THSD7B: variants seen among roughly 807,000 people sequenced by gnomAD.
THSD7B encodes the protein thrombospondin type 1 domain containing 7B, also known as thrombospondin type-1 domain-containing protein 7B.
THSD7B carries 138 observed loss-of-function variants against 213.6 expected under a neutral mutation model. The ratio of observed to expected loss-of-function variants is 0.65; its 90% CI spans 0.56 to 0.74. THSD7B has a LOEUF of 0.74. THSD7B is among the 30% of genes least tolerant of loss of function. THSD7B has a pLI of 0.00. For missense variants in THSD7B, 1,931 were observed against 1,991.5 expected (o/e 0.97, Z 0.58); for synonymous variants, 742 against 687.0 (o/e 1.08, Z -1.25).
intron 3 of THSD7B, among the ~76,000 whole-genome samples, chr2:137,085,037 A>T (rs971918127): frequency 7.2e-5 from 11 of 152,222 alleles, no homozygotes; most frequent in African/African-American, 2.7e-4. Context: ...AGTTTGTGAG[A>T]GAACCCTGAC....
At chr2:137,431,801 A>G (rs1170050117) in intron 14 of THSD7B, among the ~76,000 whole-genome samples, 1 of 152,170 alleles carries the variant, frequency 6.6e-6, no homozygotes, top group East Asian at 1.9e-4. Context: ...AAGTCAGGAG[A>G]AAGAAATTTC....
At chr2:137,449,808 A>T (rs556514455) in intron 14 of THSD7B, among the ~76,000 whole-genome samples, 1 of 152,176 alleles carries the variant, frequency 6.6e-6, no homozygotes, top group Non-Finnish European at 1.5e-5. Context: ...AGGCCCACCC[A>T]GTATATCTCA....
chr2:136,768,009 T>C (rs1000492186), intron 1 of THSD7B, among the ~76,000 whole-genome samples: 1 of 152,214 alleles, frequency 6.6e-6, no homozygotes, highest in East Asian at 1.9e-4. Context: ...TTACCGATCA[T>C]ATAAACAATG....
chr2:137,114,657 G>A (rs1182905159), intron 4 of THSD7B, among the ~76,000 whole-genome samples: 1 of 152,178 alleles, frequency 6.6e-6, no homozygotes, highest in Non-Finnish European at 1.5e-5. Flanking sequence ...TGAAAAGTTG[G>A]AGATAGCTGT....
At chr2:136,931,207 G>A (rs768584369) in intron 2 of THSD7B, among the ~76,000 whole-genome samples, 1 of 152,084 alleles carries the variant, frequency 6.6e-6, no homozygotes, top group Non-Finnish European at 1.5e-5. Context: ...GTAGGTCGAA[G>A]GGAAATATGT....
intron 21 of THSD7B, among the ~76,000 whole-genome samples, chr2:137,643,440 C>T (rs771977402): frequency 6.6e-6 from 1 of 152,084 alleles, no homozygotes; most frequent in Non-Finnish European, 1.5e-5. Context: ...TATTATCTTG[C>T]AAAAGTTAAA....
chr2:137,330,069 C>T (rs993918311), intron 12 of THSD7B, among the ~76,000 whole-genome samples: 7 of 152,162 alleles, frequency 4.6e-5, no homozygotes, highest in Non-Finnish European at 8.8e-5. Flanking sequence ...TGGCAGCTTC[C>T]ATGTAGTGTT....
At chr2:137,090,782 A>G (rs546689320) in intron 3 of THSD7B, among the ~76,000 whole-genome samples, 1 of 152,300 alleles carries the variant, frequency 6.6e-6, no homozygotes, top group South Asian at 2.1e-4. Flanking sequence ...TTAGTTTGTA[A>G]GGTCATTCCA....
intron 6 of THSD7B, among the ~76,000 whole-genome samples, chr2:137,169,457 T>C (rs1680200405): frequency 6.6e-6 from 1 of 151,944 alleles, no homozygotes; most frequent in Admixed American, 6.6e-5. Context: ...GAGAGAGATG[T>C]TACCTCTCAT....
At chr2:137,118,449 A>G (rs901956974) in intron 5 of THSD7B, among the ~76,000 whole-genome samples, 4 of 152,234 alleles carry the variant, frequency 2.6e-5, no homozygotes, top group African/African-American at 4.8e-5. Context: ...AGAAGTAGAT[A>G]TGTCATATAT....
intron 1 of THSD7B, among the ~76,000 whole-genome samples, chr2:136,815,849 G>A (rs768557684): frequency 3.6e-4 from 55 of 152,062 alleles, no homozygotes; most frequent in African/African-American, 1.2e-3. Context: ...TCTTCCACTT[G>A]GGAGAGAGCA....
At chr2:137,360,764 C>T (rs894697473) in intron 12 of THSD7B, among the ~76,000 whole-genome samples, 1 of 152,190 alleles carries the variant, frequency 6.6e-6, no homozygotes, top group African/African-American at 2.4e-5. Context: ...TCTGTACACC[C>T]CACCTCTGGG....
intron 4 of THSD7B, among the ~76,000 whole-genome samples, chr2:137,106,140 A>G (rs932400756): frequency 1.4e-4 from 22 of 152,220 alleles, no homozygotes; most frequent in African/African-American, 5.1e-4. Flanking sequence ...ACCTGACTTC[A>G]AACTATACTA....
Position 136,923,563 on chromosome 2 carries a change from CA to C in THSD7B, c.139+41247del, listed in dbSNP as rs150200801. Among the ~76,000 whole-genome samples the C allele has an allele frequency of 1.7e-3, 261 of 152,294 alleles. 1 individual carries two copies. The highest frequency in any genetic ancestry group is 6.1e-3 in the African/African-American group (253 of 41,558). On this transcript the variant is annotated intron_variant, in intron 2 of 27. Transcript: ENST00000409968. ...TTTTCCTAATGCCTGCCCTATTTTA[CA>C]TCTCAACCAAAATCATACAAGGGTT... is the stretch of plus-strand genomic sequence containing the variant.
intron 15 of THSD7B, among the ~76,000 whole-genome samples, chr2:137,467,948 T>G (rs1688024567): frequency 1.3e-5 from 2 of 152,244 alleles, no homozygotes; most frequent in Non-Finnish European, 2.9e-5. Context: ...TGTAACTATG[T>G]AAGCCTCTTT....
chr2:137,211,333 C>CAT (rs1681098300), intron 7 of THSD7B, among the ~76,000 whole-genome samples: 1 of 43,644 alleles, frequency 2.3e-5, no homozygotes, highest in Non-Finnish European at 6.9e-5. Context: ...ATCCTTCCTA[C>CAT]ACACACACAC....
intron 1 of THSD7B, among the ~76,000 whole-genome samples, chr2:136,856,813 G>A (rs1221781287): frequency 6.6e-6 from 1 of 152,126 alleles, no homozygotes; most frequent in Admixed American, 6.5e-5. Context: ...ACCACACCCA[G>A]CCATGAGCTG....
intron 12 of THSD7B, among the ~76,000 whole-genome samples, chr2:137,340,603 A>G (rs1234176189): frequency 2.0e-5 from 3 of 151,816 alleles, no homozygotes; most frequent in Non-Finnish European, 4.4e-5. Flanking sequence ...CCCTGCCTCC[A>G]TAATTGCCAT....
At chr2:137,504,444 G>C (rs188881616) in intron 15 of THSD7B, among the ~76,000 whole-genome samples, 1 of 152,232 alleles carries the variant, frequency 6.6e-6, no homozygotes, top group Admixed American at 6.5e-5. Flanking sequence ...GGATTATTCT[G>C]CTCCCATCTA....
Sources: gnomAD v4.1 joint callset for allele counts (sites outside exome capture counted in the v4.1 genomes callset) on GRCh38, gnomAD v4.1.1 for gene constraint, MANE v1.5 for transcripts, NCBI Gene and HGNC (gene_info 2026-07-23, HGNC 2026-07-21) for gene names.